Variants in SLC39A1 observed in about 807,000 individuals in gnomAD.
SLC39A1 encodes solute carrier family 39 member 1.
A neutral mutation model predicts 21.4 loss-of-function variants in SLC39A1; 17 were observed. The observed-to-expected ratio is 0.79, with a 90% CI of 0.54 to 1.19. The LOEUF (loss-of-function observed/expected upper bound fraction) is 1.19. SLC39A1 is among the 50% of genes most tolerant of loss of function. SLC39A1 has a pLI of 0.00. For missense variants in SLC39A1, 343 were observed against 399.8 expected (o/e 0.86, Z 1.21); for synonymous variants, 183 against 185.9 (o/e 0.98, Z 0.13).
chr1:153,960,527 T>C lies in SLC39A1; in HGVS notation c.546A>G (p.Val182=). The C allele has an allele frequency of 6.2e-7, 1 of 1,613,790 alleles. No individual in the cohort carries two copies. Among genetic ancestry groups the C allele is most frequent in the Admixed American group, 1.7e-5 (1 of 60,028 alleles). ...PATPSALRAC[V]LVFSLALHSV... is the part of the protein sequence containing the mutation. ...AGTGGAGGGCCAGGGAGAACACCAGTACACAGGCACGCAAGGCTGAGGGGG... is the reference window on the plus strand; with the variant it reads ...AGTGGAGGGCCAGGGAGAACACCAGCACACAGGCACGCAAGGCTGAGGGGG... Residue 182 remains valine, a synonymous_variant, in exon 4 of 4, where the codon GTA becomes GTG. Coordinates refer to ENST00000356205, the MANE Select transcript of SLC39A1 (RefSeq NM_001271958.2).
chr1:153,962,191 G>A (rs199749670), intron 3 of SLC39A1, 29 bp downstream of exon 3: 18 of 1,606,120 alleles, frequency 1.1e-5, no homozygotes, highest in African/African-American at 2.7e-5. Flanking sequence ...TTCCCCTCCC[G>A]CAAGTCACAT....
chr1:153,962,866 C>T (rs763972100), intron 1 of SLC39A1, 119 bp from the exon 2 acceptor site: 3 of 706,814 alleles, frequency 4.2e-6, no homozygotes, highest in East Asian at 5.6e-5. Context: ...TGACCTTCCC[C>T]TACCCAGGGT....
upstream of SLC39A1, among the ~76,000 whole-genome samples, chr1:153,965,673 C>T (rs992607033): frequency 3.3e-5 from 5 of 151,974 alleles, no homozygotes; most frequent in African/African-American, 1.2e-4. Flanking sequence ...ACAACTTCTG[C>T]CTCCCAGGTT....
At position 153,962,211 on chromosome 1, in the gene SLC39A1, A is replaced by G. The variant is rs1169945456; in HGVS notation, c.318+9T>C. On this transcript the variant is annotated intron_variant, in intron 3 of 3. Coordinates refer to ENST00000356205, the MANE Select transcript of SLC39A1 (RefSeq NM_001271958.2). ...CTCCCGCAAGTCACATGCCCAGGCC[A>G]GTGCTCACCGTCACGTGCAAGGCTG... 6.2e-7 allele frequency: 1 copy of G among 1,613,308 alleles called. No individual in the cohort carries two copies. Among genetic ancestry groups the G allele is most frequent in the African/African-American group, 1.3e-5 (1 of 74,912 alleles).
upstream of SLC39A1, among the ~76,000 whole-genome samples, chr1:153,965,295 C>T (rs1350390905): frequency 6.6e-6 from 1 of 151,850 alleles, no homozygotes; most frequent in Admixed American, 6.6e-5. Flanking sequence ...GGCGTGGTGG[C>T]GCATGCCTAT....
upstream of SLC39A1, chr1:153,964,353 G>C (rs959187938): frequency 2.0e-5 from 3 of 152,224 alleles, no homozygotes; most frequent in Non-Finnish European, 2.9e-5. Context: ...TTTCAGCTCA[G>C]GACTTTCACC....
upstream of SLC39A1, among the ~76,000 whole-genome samples, chr1:153,967,138 G>T (rs759539660): frequency 1.3e-5 from 2 of 152,232 alleles, no homozygotes; most frequent in Non-Finnish European, 2.9e-5. Context: ...AACGCAAAAG[G>T]CTTTTTAACT....
upstream of SLC39A1, chr1:153,963,778 T>G (rs2102143880): frequency 6.6e-6 from 1 of 152,646 alleles, no homozygotes; most frequent in Non-Finnish European, 1.5e-5. Context: ...GGCGCATCTG[T>G]GGAGGACTGA....
At chr1:153,967,095 TCCCGGTAA>T (rs1402021581), upstream of SLC39A1, among the ~76,000 whole-genome samples, 1 of 152,244 alleles carries the variant, frequency 6.6e-6, no homozygotes, top group Non-Finnish European at 1.5e-5. Context: ...GACATAATGT[TCCCGGTAA>T]CTGTATGCAA....
At chr1:153,961,329 T>C (rs1647425714) in intron 3 of SLC39A1, among the ~76,000 whole-genome samples, 1 of 152,154 alleles carries the variant, frequency 6.6e-6, no homozygotes, top group Non-Finnish European at 1.5e-5. Flanking sequence ...GCCAGATAAT[T>C]CTTTGTCATG....
At chr1:153,966,213 T>G (rs371273110), upstream of SLC39A1, among the ~76,000 whole-genome samples, 11 of 152,232 alleles carry the variant, frequency 7.2e-5, no homozygotes. Flanking sequence ...TTGAGCAGGA[T>G]GGAGAGATAT....
upstream of SLC39A1, chr1:153,965,043 A>G (rs1647700856): frequency 6.6e-6 from 1 of 152,236 alleles, no homozygotes; most frequent in African/African-American, 2.4e-5. Context: ...ATAGTTGTCA[A>G]ATATATATAT....
intron 3 of SLC39A1, 119 bp downstream of exon 3, chr1:153,962,101 A>G (rs1277685475): frequency 7.0e-7 from 1 of 1,423,988 alleles, no homozygotes; most frequent in African/African-American, 1.4e-5. Context: ...AATTCATACC[A>G]CATGCCAAAA....
At chr1:153,962,488 G>A (rs1647525023) in intron 2 of SLC39A1, 41 bp downstream of exon 2, 1 of 1,592,776 alleles carries the variant, frequency 6.3e-7, no homozygotes, top group Non-Finnish European at 8.6e-7. Context: ...CCCTCCCTAA[G>A]CCAAGCATTC....
At position 153,959,826 on chromosome 1, in the gene SLC39A1, C is replaced by T. The variant is rs1647258043; in HGVS notation, c.*272G>A. On this transcript the variant is annotated 3_prime_UTR_variant, in exon 4 of 4. Coordinates refer to ENST00000356205, the MANE Select transcript of SLC39A1 (RefSeq NM_001271958.2). ...TATAGTGTCCAACCTCTGATTCTAG[C>T]AGTCAAGTGTCTTCCCCAATCCTAA... 1 of 445,548 alleles carries T rather than the reference C, an allele frequency of 2.2e-6. No homozygotes were observed. Among genetic ancestry groups the T allele is most frequent in the Non-Finnish European group, 4.1e-6 (1 of 246,300 alleles). The allele number at this position is 445,548 out of a possible 1,614,324, so 27.6% of individuals were successfully genotyped here. A position where few individuals can be genotyped will look rare whatever the true frequency, so the allele number is the denominator to read the frequency against.
At chr1:153,963,040 A>G (rs1647577861) in intron 1 of SLC39A1, 1 of 252,058 alleles carries the variant, frequency 4.0e-6, no homozygotes, top group Non-Finnish European at 7.5e-6. Flanking sequence ...GGAAACTAGG[A>G]GCCGCCTCCA....
chr1:153,960,650 A>C lies in SLC39A1; in HGVS notation c.423T>G (p.Pro141=). 1 of 1,614,182 alleles carries C rather than the reference A, an allele frequency of 6.2e-7. No homozygotes were observed. Among genetic ancestry groups the C allele is most frequent in the Non-Finnish European group, 8.5e-7 (1 of 1,180,036 alleles). Residue 141 remains proline, a synonymous_variant, in exon 4 of 4, where the codon CCT becomes CCG. Transcript: ENST00000356205. ...LAYKEQSGPS[P]LEETRALLGT... ...CCAGCAGAGCCCTTGTTTCCTCCAG[A>C]GGTGACGGCCCTGACTGCTCCTTGT... is the stretch of plus-strand genomic sequence containing the variant.
chr1:153,961,532 T>C (rs149149922), intron 3 of SLC39A1, among the ~76,000 whole-genome samples: 3 of 152,268 alleles, frequency 2.0e-5, no homozygotes, highest in African/African-American at 7.2e-5. Context: ...TAGACATACA[T>C]GAAAAGGTCA....
rs1214179411 is a variant in SLC39A1 at position 153,959,664 on chromosome 1, G to T, written c.*434C>A. 4.2e-5 allele frequency: 10 copies of T among 236,516 alleles called. No individual in the cohort carries two copies. Among genetic ancestry groups the T allele is most frequent in the Non-Finnish European group, 8.2e-6 (1 of 122,112 alleles). The allele number at this position is 236,516 out of a possible 1,614,324, so 14.7% of individuals were successfully genotyped here. A position where few individuals can be genotyped will look rare whatever the true frequency, so the allele number is the denominator to read the frequency against. ...GGGTAGGCGCTAAGAAGAGTAGGAG[G>T]GGTCCACTCCAAGTGGCAGGGTGCT... On this transcript the variant is annotated 3_prime_UTR_variant, in exon 4 of 4. Transcript: ENST00000356205.
Sources: allele counts gnomAD v4.1 joint callset (sites outside exome capture counted in the v4.1 genomes callset), GRCh38; gene constraint gnomAD v4.1.1; transcripts MANE v1.5; gene names NCBI Gene and HGNC (gene_info 2026-07-23, HGNC 2026-07-21).